NASP: variants seen among roughly 807,000 people sequenced by gnomAD.
NASP encodes nuclear autoantigenic sperm protein.
NASP carries 24 observed loss-of-function variants against 89.5 expected under a neutral mutation model. The ratio of observed to expected loss-of-function variants is 0.27; its 90% confidence interval spans 0.19 to 0.38. NASP has a LOEUF of 0.38. Ranked by LOEUF, NASP falls within the 10% of genes least tolerant of loss-of-function variation. The pLI is 1.00. For missense variants in NASP, 848 were observed against 921.4 expected (o/e 0.92, Z 1.03); for synonymous variants, 306 against 324.7 (o/e 0.94, Z 0.62).
At chr1:45,591,695 G>A (rs1458211668) in intron 2 of NASP, among the ~76,000 whole-genome samples, 3 of 87,220 alleles carry the variant, frequency 3.4e-5, no homozygotes, top group African/African-American at 9.1e-5. Context: ...ATATGGCTAT[G>A]GTTTTTTGTT....
At chr1:45,586,286 TGTGTGTGTGTGTGTGTGTGTGTG>T (rs1644544409) in intron 1 of NASP, among the ~76,000 whole-genome samples, 30 of 88,336 alleles carry the variant, frequency 3.4e-4, no homozygotes, top group African/African-American at 1.4e-3. Flanking sequence ...GTGTGTGTGG[TGTGTGTGTGTGTGTGTGTGTGTG>T]GTGTGTGTGT....
rs375607690 is a variant in NASP, at chr1:45,615,379, G to A, written c.1930G>A (p.Glu644Lys). 1.2e-5 allele frequency: 19 copies of A among 1,614,082 alleles called. No homozygotes were observed. Among genetic ancestry groups the A allele is most frequent in the Non-Finnish European group, 1.5e-5 (18 of 1,180,024 alleles). The change falls in exon 11 of 15, where the codon GAA (glutamate) becomes AAA (lysine). Residue 644 changes from glutamate to lysine, a missense_variant. By Grantham distance (56) the Glu-to-Lys change is moderately conservative. This residue lies in a region of NASP where 218 missense variants were observed against 219.6 expected (regional missense o/e 0.99). Coordinates refer to ENST00000350030, the MANE Select transcript of NASP (RefSeq NM_002482.4). ...EYKKEIEELKELLPEIREKIE... is the reference protein window; with the variant it reads ...EYKKEIEELKKLLPEIREKIE... The stretch of plus-strand genomic sequence containing the variant: ...CAAGAAAGAAATTGAGGAACTAAAG[G>A]AACTGCTACCCGAAATTAGAGAGAA...
At chr1:45,594,895 C>T (rs1643649927) in intron 2 of NASP, 2 of 279,458 alleles carry the variant, frequency 7.2e-6, no homozygotes, top group African/African-American at 2.2e-5. Context: ...AATTTATAAC[C>T]TCTGACCTGA....
intron 13 of NASP, chr1:45,617,193 A>T (rs1644121698): frequency 5.3e-6 from 2 of 374,792 alleles, no homozygotes; most frequent in Non-Finnish European, 9.7e-6. Context: ...CAGGAATTCA[A>T]ACTTGTACAG....
At chr1:45,609,539 T>C (rs1286284124) in intron 6 of NASP, 2 of 151,908 alleles carry the variant, frequency 1.3e-5, no homozygotes, top group Non-Finnish European at 2.9e-5. Flanking sequence ...AAAACAAAAC[T>C]CCCATGTCTT....
intron 6 of NASP, 153 bp from the exon 7 acceptor site, chr1:45,613,016 C>G (rs1644041564): frequency 2.8e-6 from 3 of 1,072,590 alleles, no homozygotes; most frequent in African/African-American, 1.6e-5. Flanking sequence ...AGACTGCACC[C>G]ACTGACGATA....
chr1:45,617,780 A>G (rs1165744619), intron 14 of NASP, among the ~76,000 whole-genome samples, 189 bp downstream of exon 14: 3 of 152,246 alleles, frequency 2.0e-5, no homozygotes, highest in African/African-American at 7.2e-5. Context: ...CTCACTGACA[A>G]ATGGAACCTG....
At position 45,606,506 on chromosome 1, in the gene NASP, C is replaced by T. The variant is rs142706540; in HGVS notation, c.324C>T (p.Asn108=). The change falls in exon 5 of 15, where the codon AAC becomes AAT. Residue 108 remains asparagine, a synonymous_variant. Coordinates refer to ENST00000350030, the MANE Select transcript of NASP (RefSeq NM_002482.4). ...LARMENGVLG[N]ALEGVHVEEE... is the part of the protein sequence containing the mutation. Reference sequence around the variant, plus strand: ...GAATGGAGAATGGTGTGTTGGGAAACGCCTTGGAAGGTGTGCATGTGGAAG... The same window carrying T: ...GAATGGAGAATGGTGTGTTGGGAAATGCCTTGGAAGGTGTGCATGTGGAAG... The T allele has an allele frequency of 1.6e-3, 2,532 of 1,613,562 alleles. 4 individuals carry two copies. The highest frequency in any genetic ancestry group is 2.0e-3 in the Non-Finnish European group (2,332 of 1,179,596).
At chr1:45,606,191 A>C (rs1025544981) in intron 4 of NASP, among the ~76,000 whole-genome samples, 10 of 152,232 alleles carry the variant, frequency 6.6e-5, no homozygotes, top group African/African-American at 2.4e-4. Context: ...AGTTTGGGAA[A>C]TAGTATGGTC....
At chr1:45,597,272 A>G (rs1364967151) in intron 2 of NASP, among the ~76,000 whole-genome samples, 1 of 134,942 alleles carries the variant, frequency 7.4e-6, no homozygotes, top group Non-Finnish European at 1.5e-5. Context: ...GTGCCACTGC[A>G]CTCTAGCCTG....
In NASP at chr1:45,615,418, A is replaced by G. The variant is rs1346037346; in HGVS notation, c.1969A>G (p.Lys657Glu). The change falls in exon 11 of 15, where the codon AAG becomes GAG. Residue 657 changes from lysine to glutamate, a missense_variant. Coordinates refer to ENST00000350030, the MANE Select transcript of NASP (RefSeq NM_002482.4). ...AATTAGAGAGAAGATAGAAGATGCA[A>G]AGGAGTCTCAGCGTAGTGGGAATGT... ...PEIREKIEDA[K>E]ESQRSGNVAE... is the part of the protein sequence containing the mutation. 6.2e-7 allele frequency: 1 copy of G among 1,614,212 alleles called. No homozygotes were observed. Among genetic ancestry groups the G allele is most frequent in the African/African-American group, 1.3e-5 (1 of 75,060 alleles).
At chr1:45,584,257 T>C (rs1202449023) in intron 1 of NASP, 52 bp downstream of exon 1, 29 of 1,508,016 alleles carry the variant, frequency 1.9e-5, no homozygotes, top group Non-Finnish European at 2.5e-5. Context: ...CGGGGAGGGC[T>C]AATGGACGGG....
At chr1:45,612,716 G>C (rs532827962) in intron 6 of NASP, 7 of 153,046 alleles carry the variant, frequency 4.6e-5, no homozygotes, top group Admixed American at 4.6e-4. Flanking sequence ...AGTCTCTTGA[G>C]CATTCTTGAT....
At chr1:45,586,487 C>T (rs925610773) in intron 1 of NASP, among the ~76,000 whole-genome samples, 9 of 152,040 alleles carry the variant, frequency 5.9e-5, no homozygotes, top group African/African-American at 1.7e-4. Context: ...GAGTTTTTGC[C>T]ATGTTGCCCA....
rs971372895 is a variant in NASP, at chr1:45,617,666, G to C, written c.2286+75G>C. ...GACCTGGGGAAATCAGTCCTCTCAA[G>C]TGCATGCTCCCCACCTTGAGCCTGC... On this transcript the variant is annotated intron_variant, in intron 14 of 14. Coordinates refer to ENST00000350030, the MANE Select transcript of NASP (RefSeq NM_002482.4). 17 of 1,477,092 alleles carry C rather than the reference G, an allele frequency of 1.2e-5. 1 individual carries two copies. Among genetic ancestry groups the C allele is most frequent in the Non-Finnish European group, 1.5e-5 (17 of 1,104,648 alleles). The allele number at this position is 1,477,092 out of a possible 1,614,324, so 91.5% of individuals were successfully genotyped here.
rs1312927441 is a variant in NASP, at chr1:45,586,306, T to TGTGTGTGG, written c.59+2104_59+2105insTGTGGGTG. ...TGTGGTGTGTGTGTGTGTGTGTGTG[T>TGTGTGTGG]GTGGTGTGTGTGTGTGTCACCCAGG... On this transcript the variant is annotated intron_variant, in intron 1 of 14. Transcript: ENST00000350030. 3.8e-5 allele frequency among the ~76,000 whole-genome samples: 5 copies of TGTGTGTGG among 130,964 alleles called. No homozygotes were observed. The East Asian group carries it at 1.2e-3, about 31-fold the overall frequency. 85.9% of individuals were successfully genotyped at this position (130,964 alleles called of 152,430 possible). A position where few individuals can be genotyped will look rare whatever the true frequency, so the allele number is the denominator to read the frequency against.
At chr1:45,603,605 A>ATT (rs10646791) in intron 3 of NASP, among the ~76,000 whole-genome samples, 72,191 of 118,858 alleles carry the variant, frequency 0.61, 22,730 homozygotes, top group Non-Finnish European at 0.66. Flanking sequence ...GTATTTAGAG[A>ATT]TTTTTTTTTT....
chr1:45,605,047 T>G (rs1459180852), intron 4 of NASP, 31 bp downstream of exon 4: 1 of 1,509,098 alleles, frequency 6.6e-7, no homozygotes, highest in African/African-American at 1.4e-5. Context: ...AACTGAAGTT[T>G]CCTTGTTAAG....
chr1:45,606,469 TTTG>T lies in NASP; in HGVS notation c.300-10_300-8del, dbSNP rs752391029. 24 of 1,597,884 alleles carry T rather than the reference TTTG, an allele frequency of 1.5e-5. No individual in the cohort carries two copies. Among genetic ancestry groups the T allele is most frequent in the Non-Finnish European group, 1.7e-5 (20 of 1,165,728 alleles). On this transcript the variant is annotated splice_polypyrimidine_tract_variant and intron_variant, in intron 4 of 14. Transcript: ENST00000350030. Reference sequence around the variant, plus strand: ...AGCCATCAAACCTTTGGTGCTTTCTTTTGTTCTCCTAGAATGGAGAATGGTGTG... The same window carrying T: ...AGCCATCAAACCTTTGGTGCTTTCTTTTCTCCTAGAATGGAGAATGGTGTG...
Sources: allele counts gnomAD v4.1 joint callset (sites outside exome capture counted in the v4.1 genomes callset), GRCh38; gene constraint gnomAD v4.1.1; regional missense constraint gnomAD v4.1.1; transcripts MANE v1.5; gene names NCBI Gene and HGNC (gene_info 2026-07-23, HGNC 2026-07-21).